ADAM10: variants seen among roughly 807,000 people sequenced by gnomAD.
ADAM10 encodes the protein disintegrin and metalloproteinase domain-containing protein 10.
In ADAM10, 17 loss-of-function variants were observed where a neutral mutation model predicts 90.1. The ratio of observed to expected loss-of-function variants is 0.19; its 90% confidence interval spans 0.13 to 0.28. The LOEUF (loss-of-function observed/expected upper bound fraction) is 0.28. ADAM10 is among the 10% of genes least tolerant of loss of function. The probability of loss-of-function intolerance (pLI) is 1.00; values close to 1 mark genes in which losing one functional copy is unlikely to be tolerated. For synonymous variants in ADAM10, 310 were observed against 298.6 expected (o/e 1.04, Z -0.40); for missense variants, 610 against 914.3 (o/e 0.67, Z 4.29).
intron 5 of ADAM10, among the ~76,000 whole-genome samples, chr15:58,649,507 G>A (rs774165487): frequency 5.9e-5 from 9 of 152,156 alleles, no homozygotes; most frequent in South Asian, 2.1e-4. Flanking sequence ...TACTTTTAGC[G>A]TGTCAGATGG....
At chr15:58,601,527 T>C (rs899611267) in intron 14 of ADAM10, among the ~76,000 whole-genome samples, 7 of 152,094 alleles carry the variant, frequency 4.6e-5, no homozygotes, top group Non-Finnish European at 8.8e-5. Context: ...TCAGAGTAAG[T>C]TGCTAGCACC....
chr15:58,607,861 C>A (rs1225850207), intron 14 of ADAM10, among the ~76,000 whole-genome samples: 1 of 152,042 alleles, frequency 6.6e-6, no homozygotes, highest in African/African-American at 2.4e-5. Context: ...TACAGAAAAT[C>A]AGAACACATC....
chr15:58,708,305 G>C (rs1898368743), intron 2 of ADAM10, among the ~76,000 whole-genome samples: 1 of 152,018 alleles, frequency 6.6e-6, no homozygotes, highest in African/African-American at 2.4e-5. Context: ...TCCTTGCTTA[G>C]GATATATAAG....
intron 1 of ADAM10, among the ~76,000 whole-genome samples, chr15:58,745,731 C>A (rs1484376980): frequency 6.6e-6 from 1 of 152,004 alleles, no homozygotes; most frequent in Non-Finnish European, 1.5e-5. Flanking sequence ...CCACAGTACC[C>A]AAGCAGGTAA....
chr15:58,715,031 T>A (rs1277134346), intron 2 of ADAM10, among the ~76,000 whole-genome samples: 2 of 152,114 alleles, frequency 1.3e-5, no homozygotes, highest in African/African-American at 2.4e-5. Flanking sequence ...AGTGAATATA[T>A]AAAAATTGGG....
intron 1 of ADAM10, among the ~76,000 whole-genome samples, chr15:58,735,852 A>G (rs995892292): frequency 3.3e-5 from 5 of 152,198 alleles, no homozygotes; most frequent in African/African-American, 7.2e-5. Flanking sequence ...GATTACATAT[A>G]TATTTATCTA....
chr15:58,722,526 C>T (rs955521411), intron 1 of ADAM10, among the ~76,000 whole-genome samples: 1 of 142,056 alleles, frequency 7.0e-6, no homozygotes, highest in Non-Finnish European at 1.5e-5. Context: ...GACAGAGACC[C>T]TATCTCAAAA....
chr15:58,671,862 C>A (rs907112908), intron 4 of ADAM10, among the ~76,000 whole-genome samples: 2 of 151,774 alleles, frequency 1.3e-5, no homozygotes, highest in Non-Finnish European at 2.9e-5. Context: ...AAGTTCTTGG[C>A]CTTTTAGCAG....
At chr15:58,646,314 A>G in intron 5 of ADAM10, 110 bp from the exon 6 acceptor site, 1 of 1,120,216 alleles carries the variant, frequency 8.9e-7, no homozygotes, top group East Asian at 2.6e-5. Flanking sequence ...ATATAACACC[A>G]TAGGTATTTC....
In ADAM10 at chr15:58,741,751, G is replaced by A. The variant is rs74668708; in HGVS notation, c.55+7729C>T. ...TTGTTCTATCCTTACTTATTTCTAC[G>A]ATCATTCTAATCCAAGACTCAATCA... On this transcript the variant is annotated intron_variant, in intron 1 of 15. Coordinates refer to ENST00000260408, the MANE Select transcript of ADAM10 (RefSeq NM_001110.4). Among the ~76,000 whole-genome samples the A allele has an allele frequency of 1.5e-3, 233 of 151,824 alleles. 1 individual carries two copies. Among genetic ancestry groups the A allele is most frequent in the African/African-American group, 5.4e-3 (223 of 41,422 alleles).
chr15:58,717,840 C>A, intron 1 of ADAM10, 113 bp from the exon 2 acceptor site: 1 of 1,427,840 alleles, frequency 7.0e-7, no homozygotes, highest in Non-Finnish European at 9.4e-7. Context: ...TCCCTAATCC[C>A]AGCACTATTA....
At chr15:58,615,067 G>A (rs191147256) in intron 11 of ADAM10, among the ~76,000 whole-genome samples, 1 of 152,234 alleles carries the variant, frequency 6.6e-6, no homozygotes, top group East Asian at 1.9e-4. Context: ...GAGGTCAGGA[G>A]ATCGAAACCA....
chr15:58,592,059 G>GT lies in ADAM10; in HGVS notation c.*5487dup, dbSNP rs1207872346. The GT allele has an allele frequency of 6.6e-6, 1 of 152,164 alleles. No homozygotes were observed. Among genetic ancestry groups the GT allele is most frequent in the African/African-American group, 2.4e-5 (1 of 41,424 alleles). 9.4% of individuals were successfully genotyped at this position (152,164 alleles called of 1,614,324 possible). A position where few individuals can be genotyped will look rare whatever the true frequency, so the allele number is the denominator to read the frequency against. On this transcript the variant is annotated 3_prime_UTR_variant, in exon 16 of 16. Transcript: ENST00000260408. Reference sequence around the variant, plus strand: ...CTGGATTTTGCTGATTGAGTCCCTTGTATATTATTTGTCCCTCTGTCCCCT... The same window carrying GT: ...CTGGATTTTGCTGATTGAGTCCCTTGTTATATTATTTGTCCCTCTGTCCCCT...
rs542400830 is a variant in ADAM10 at position 58,696,152 on chromosome 15, G to A, written c.207-13838C>T. ...ATAAAAATACAAAAATTAGCCGGGC[G>A]GTAGTGGCACACGCTACTCCCAGCA... On this transcript the variant is annotated intron_variant, in intron 2 of 15. Transcript: ENST00000260408. Among the ~76,000 whole-genome samples the A allele has an allele frequency of 3.9e-5, 6 of 151,930 alleles. No individual in the cohort carries two copies. The East Asian group carries it at 7.8e-4, about 20-fold the overall frequency.
rs1896479910 is a variant in ADAM10 at position 58,643,885 on chromosome 15, C to T, written c.828+1G>A. On this transcript the variant is annotated splice_donor_variant, in intron 7 of 15. Coordinates refer to ENST00000260408, the MANE Select transcript of ADAM10 (RefSeq NM_001110.4). LOFTEE classifies it high-confidence loss of function. ...TGTTTTTAACTATTTAAGTTCCTTA[C>T]TCTTATGCGTTTCACCATGAAACTG... 1 of 1,606,170 alleles carries T rather than the reference C, an allele frequency of 6.2e-7. No homozygotes were observed. Among genetic ancestry groups the T allele is most frequent in the African/African-American group, 1.3e-5 (1 of 74,702 alleles).
intron 5 of ADAM10, 60 bp downstream of exon 5, chr15:58,665,037 G>GAT: frequency 8.2e-7 from 1 of 1,222,266 alleles, no homozygotes; most frequent in Admixed American, 1.7e-5. Flanking sequence ...TTTAAATGTA[G>GAT]ATATACATCC....
chr15:58,730,587 C>G (rs7176715), intron 1 of ADAM10, among the ~76,000 whole-genome samples: 7,677 of 151,972 alleles, frequency 0.051, 665 homozygotes, highest in African/African-American at 0.17. Flanking sequence ...CCTTTTTTTC[C>G]TCTACAAGAG....
chr15:58,714,286 T>TACAC (rs1249808977), intron 2 of ADAM10, among the ~76,000 whole-genome samples: 26 of 75,812 alleles, frequency 3.4e-4, no homozygotes, highest in African/African-American at 1.3e-3. Context: ...TACTTATACA[T>TACAC]ACACATACAC....
chr15:58,705,720 T>A (rs1466360070), intron 2 of ADAM10, among the ~76,000 whole-genome samples: 5 of 152,214 alleles, frequency 3.3e-5, no homozygotes, highest in African/African-American at 9.6e-5. Context: ...AGAAATACTT[T>A]CTATAGGTTA....
Sources: gnomAD v4.1 joint callset for allele counts (sites outside exome capture counted in the v4.1 genomes callset) on GRCh38, gnomAD v4.1.1 for gene constraint, MANE v1.5 for transcripts, NCBI Gene and HGNC (gene_info 2026-07-23, HGNC 2026-07-21) for gene names.